Variants in HS6ST3 observed in about 807,000 individuals in gnomAD.
HS6ST3 encodes heparan sulfate 6-O-sulfotransferase 3.
In HS6ST3, 12 loss-of-function variants were observed where a neutral mutation model predicts 36.7. The observed-to-expected ratio is 0.33, with a 90% CI of 0.21 to 0.53. The LOEUF is 0.53. Ranked by LOEUF, HS6ST3 falls within the 20% of genes least tolerant of loss-of-function variation. HS6ST3 has a pLI of 0.95. For synonymous variants in HS6ST3, 240 were observed against 257.5 expected (o/e 0.93, Z 0.65); for missense variants, 584 against 640.9 (o/e 0.91, Z 0.96).
chr13:96,625,404 A>G (rs2138997480), intron 1 of HS6ST3, among the ~76,000 whole-genome samples: 1 of 152,262 alleles, frequency 6.6e-6, no homozygotes, highest in South Asian at 2.1e-4. Flanking sequence ...GCTGGGCTCT[A>G]AGTCATTTAC....
At chr13:96,373,951 A>G (rs573045694) in intron 1 of HS6ST3, among the ~76,000 whole-genome samples, 63 of 152,284 alleles carry the variant, frequency 4.1e-4, no homozygotes, top group African/African-American at 1.3e-3. Flanking sequence ...GGTTTGGACT[A>G]TGCTAATCAT....
intron 1 of HS6ST3, among the ~76,000 whole-genome samples, chr13:96,395,927 T>C (rs2055418755): frequency 6.6e-6 from 1 of 152,076 alleles, no homozygotes; most frequent in South Asian, 2.1e-4. Context: ...AAGAATGAAA[T>C]AATCTTCCAC....
chr13:96,805,109 C>T (rs1878165520), intron 1 of HS6ST3, among the ~76,000 whole-genome samples: 1 of 152,134 alleles, frequency 6.6e-6, no homozygotes, highest in Non-Finnish European at 1.5e-5. Flanking sequence ...CATGAATGTG[C>T]TTTGGAGCTT....
intron 1 of HS6ST3, among the ~76,000 whole-genome samples, chr13:96,831,232 C>G (rs1878773352): frequency 6.6e-6 from 1 of 152,116 alleles, no homozygotes; most frequent in Non-Finnish European, 1.5e-5. Context: ...CTAAAGATAA[C>G]CATTTAATAA....
At chr13:96,389,413 A>C (rs1201108483) in intron 1 of HS6ST3, among the ~76,000 whole-genome samples, 3 of 152,154 alleles carry the variant, frequency 2.0e-5, no homozygotes, top group African/African-American at 4.8e-5. Context: ...AAAACCTCAT[A>C]GGTTGGAAAT....
chr13:96,686,610 T>C (rs572929832), intron 1 of HS6ST3, among the ~76,000 whole-genome samples: 12 of 152,122 alleles, frequency 7.9e-5, no homozygotes, highest in African/African-American at 2.6e-4. Context: ...TGTCAAGAAG[T>C]GTATGACAGC....
intron 1 of HS6ST3, among the ~76,000 whole-genome samples, chr13:96,093,339 A>G (rs528376729): frequency 1.3e-5 from 2 of 152,294 alleles, no homozygotes; most frequent in African/African-American, 4.8e-5. Context: ...GTGATGAATA[A>G]TGTTACTACA....
chr13:96,619,153 A>G (rs17767526), intron 1 of HS6ST3, among the ~76,000 whole-genome samples: 4,672 of 152,298 alleles, frequency 0.031, 107 homozygotes, highest in South Asian at 0.068. Context: ...AGTCTTCTCC[A>G]TTGAAGTGTA....
chr13:96,659,055 G>GT (rs550239017), intron 1 of HS6ST3, among the ~76,000 whole-genome samples: 123 of 152,262 alleles, frequency 8.1e-4, no homozygotes, highest in African/African-American at 2.8e-3. Context: ...GTTGATTGCT[G>GT]TATCATGGAG....
intron 1 of HS6ST3, among the ~76,000 whole-genome samples, chr13:96,820,657 C>T (rs1189971702): frequency 6.6e-6 from 1 of 152,218 alleles, no homozygotes; most frequent in African/African-American, 2.4e-5. Flanking sequence ...ACGCTGAAAG[C>T]GAGGTGGGTT....
chr13:96,254,340 G>C (rs1469936917), intron 1 of HS6ST3, among the ~76,000 whole-genome samples: 1 of 144,118 alleles, frequency 6.9e-6, no homozygotes, highest in Non-Finnish European at 1.5e-5. Flanking sequence ...CTTGAACCCG[G>C]GAGGCAGAGG....
chr13:96,763,396 C>T (rs562160526), intron 1 of HS6ST3, among the ~76,000 whole-genome samples: 1 of 150,764 alleles, frequency 6.6e-6, no homozygotes, highest in Non-Finnish European at 1.5e-5. Context: ...GAGGCTGAAG[C>T]ACGAGAATCA....
chr13:96,456,785 C>T (rs982202652), intron 1 of HS6ST3, among the ~76,000 whole-genome samples: 10 of 152,090 alleles, frequency 6.6e-5, no homozygotes, highest in Non-Finnish European at 1.5e-4. Flanking sequence ...CTTATATTTA[C>T]ATCTACTTTG....
intron 1 of HS6ST3, among the ~76,000 whole-genome samples, chr13:96,360,184 A>G (rs551733310): frequency 2.1e-4 from 32 of 152,240 alleles, no homozygotes; most frequent in African/African-American, 7.2e-4. Context: ...ATCCAACAGC[A>G]GCAGGGGACC....
chr13:96,453,113 C>A (rs2055736783), intron 1 of HS6ST3, among the ~76,000 whole-genome samples: 1 of 151,418 alleles, frequency 6.6e-6, no homozygotes. Flanking sequence ...ATAAGAAAAT[C>A]CCAGTATTTT....
chr13:96,175,580 A>G (rs1214356751), intron 1 of HS6ST3, among the ~76,000 whole-genome samples: 2 of 151,088 alleles, frequency 1.3e-5, no homozygotes, highest in Non-Finnish European at 2.9e-5. Context: ...CAGGATCTGA[A>G]TGGATCCCAC....
chr13:96,813,268 T>C (rs184221504), intron 1 of HS6ST3, among the ~76,000 whole-genome samples: 1 of 152,322 alleles, frequency 6.6e-6, no homozygotes, highest in African/African-American at 2.4e-5. Flanking sequence ...GTATAAACTC[T>C]GTATTCAATT....
At chr13:96,219,917 C>T (rs963972358) in intron 1 of HS6ST3, among the ~76,000 whole-genome samples, 1 of 152,126 alleles carries the variant, frequency 6.6e-6, no homozygotes, top group African/African-American at 2.4e-5. Context: ...CTCTTGACCT[C>T]GTGATCTGCC....
rs944874051 is a variant in HS6ST3, at chr13:96,815,382, A to G, written c.708-17108A>G. Among the ~76,000 whole-genome samples, 10 of 152,314 alleles carry G rather than the reference A, an allele frequency of 6.6e-5. No individual in the cohort carries two copies. In the East Asian group the frequency reaches 1.9e-3, roughly 29 times the overall value. ...CTCACCTTAACCTGATTTTCTGCAA[A>G]GACCCTATTTCCAAGAAAGGTCATA... On this transcript the variant is annotated intron_variant, in intron 1 of 1. Transcript: ENST00000376705.
Sources: gnomAD v4.1 joint callset for allele counts (sites outside exome capture counted in the v4.1 genomes callset) on GRCh38, gnomAD v4.1.1 for gene constraint, MANE v1.5 for transcripts, NCBI Gene and HGNC (gene_info 2026-07-23, HGNC 2026-07-21) for gene names.